Variants in PCDH15 observed in about 807,000 individuals in gnomAD.
PCDH15 encodes the protein protocadherin-15.
In PCDH15, 129 loss-of-function variants were observed where a neutral mutation model predicts 178.5. That is an observed-to-expected ratio of 0.72 (90% CI 0.63 to 0.84). PCDH15 has a LOEUF of 0.84. Ranked by LOEUF, PCDH15 falls within the 40% of genes least tolerant of loss-of-function variation. PCDH15 has a pLI of 0.00. For synonymous variants in PCDH15, 800 were observed against 732.0 expected, an observed-to-expected ratio of 1.09 and a Z score of -1.50; for missense variants, 2,230 against 2,099.9, an observed-to-expected ratio of 1.06 and a Z score of -1.21.
At chr10:54,249,195 T>C (rs188058838) in intron 8 of PCDH15, among the ~76,000 whole-genome samples, 87 of 152,266 alleles carry the variant, frequency 5.7e-4, no homozygotes, top group African/African-American at 1.9e-3. Flanking sequence ...TATTTTACCA[T>C]GTTCCATATT....
intron 21 of PCDH15, among the ~76,000 whole-genome samples, chr10:53,978,664 T>C (rs1331183239): frequency 6.6e-6 from 1 of 151,978 alleles, no homozygotes; most frequent in Non-Finnish European, 1.5e-5. Context: ...AATGTTTTTT[T>C]TTTTTTTTTT....
chr10:53,915,907 G>A (rs1448021860), intron 25 of PCDH15, among the ~76,000 whole-genome samples: 1 of 152,078 alleles, frequency 6.6e-6, no homozygotes, highest in Non-Finnish European at 1.5e-5. Context: ...TTTTCATGAA[G>A]AAAATGACAA....
chr10:54,644,221 T>C (rs946024239), intron 2 of PCDH15, among the ~76,000 whole-genome samples: 4 of 151,072 alleles, frequency 2.6e-5, no homozygotes, highest in Non-Finnish European at 5.9e-5. Flanking sequence ...AACATACTTT[T>C]ATATAGTCAA....
At chr10:55,537,964 C>T (rs1034273422) in intron 2 of PCDH15, among the ~76,000 whole-genome samples, 4 of 152,120 alleles carry the variant, frequency 2.6e-5, no homozygotes, top group African/African-American at 9.7e-5. Flanking sequence ...AAATCTGAGG[C>T]CTCAAGCCTT....
rs774773209 is a variant in PCDH15, at chr10:53,823,147, G to A, written c.4368-2917C>T. On this transcript the variant is annotated intron_variant, in intron 32 of 37. Coordinates refer to ENST00000644397, the MANE Select transcript of PCDH15 (RefSeq NM_001384140.1). ...TGACTTATGTTTTCCTTATAAAGGG[G>A]ATTATGGGCACTTAAGTCATCCTCA... The A allele has an allele frequency of 3.7e-6, 6 of 1,613,884 alleles. No individual in the cohort carries two copies. In the South Asian group the frequency reaches 6.6e-5, roughly 18 times the overall value.
At chr10:54,450,972 T>C (rs1340734104) in intron 3 of PCDH15, among the ~76,000 whole-genome samples, 3 of 151,988 alleles carry the variant, frequency 2.0e-5, no homozygotes, top group African/African-American at 7.2e-5. Context: ...CAGAATTCTC[T>C]CAAAGTTAAA....
At chr10:55,589,564 T>A (rs1842796413) in intron 2 of PCDH15, among the ~76,000 whole-genome samples, 1 of 151,918 alleles carries the variant, frequency 6.6e-6, no homozygotes, top group African/African-American at 2.4e-5. Flanking sequence ...AACCTACTCA[T>A]CTGACAAAGG....
chr10:55,170,337 A>T (rs927515390), intron 1 of PCDH15, among the ~76,000 whole-genome samples: 1 of 151,760 alleles, frequency 6.6e-6, no homozygotes, highest in Non-Finnish European at 1.5e-5. Flanking sequence ...AATTGCAGAG[A>T]CAAGTCTTGA....
rs553634921 is a variant in PCDH15 at position 54,817,471 on chromosome 10, C to T, written c.-29+79979G>A. Among the ~76,000 whole-genome samples, 252 of 151,992 alleles carry T rather than the reference C, an allele frequency of 1.7e-3. 4 individuals carry two copies. Among genetic ancestry groups the T allele is most frequent in the African/African-American group, 5.7e-3 (236 of 41,514 alleles). On this transcript the variant is annotated intron_variant, in intron 3 of 5. Coordinates refer to the PCDH15 transcript ENST00000458638. ...TCATCTCTATCAATTGTTTCAATGC[C>T]GTAGAAGCTGAAATGAATTCTTGTT...
intron 8 of PCDH15, among the ~76,000 whole-genome samples, chr10:54,294,278 C>T (rs2059605611): frequency 6.6e-6 from 1 of 150,642 alleles, no homozygotes; most frequent in African/African-American, 2.5e-5. Context: ...AACACTTGGA[C>T]ACATGGCAGG....
intron 3 of PCDH15, among the ~76,000 whole-genome samples, chr10:54,867,704 C>G (rs575399622): frequency 6.6e-6 from 1 of 152,204 alleles, no homozygotes; most frequent in Admixed American, 6.6e-5. Context: ...TTAATTCACT[C>G]TTTCTACTCC....
At chr10:54,177,550 T>C (rs563586999) in intron 13 of PCDH15, among the ~76,000 whole-genome samples, 1 of 151,844 alleles carries the variant, frequency 6.6e-6, no homozygotes, top group South Asian at 2.1e-4. Context: ...AATCACTGTA[T>C]CTTCCTCTCA....
intron 2 of PCDH15, among the ~76,000 whole-genome samples, chr10:55,621,489 GA>G (rs1442319343): frequency 6.6e-6 from 1 of 152,182 alleles, no homozygotes; most frequent in African/African-American, 2.4e-5. Flanking sequence ...TGACCTGCGG[GA>G]AAGGTAATGG....
At chr10:55,540,010 T>A (rs1041329554) in intron 2 of PCDH15, among the ~76,000 whole-genome samples, 1 of 152,172 alleles carries the variant, frequency 6.6e-6, no homozygotes, top group South Asian at 2.1e-4. Context: ...CCTATGTAAT[T>A]GTGGATCAAT....
intron 9 of PCDH15, among the ~76,000 whole-genome samples, chr10:54,227,190 A>C (rs2053549958): frequency 6.6e-6 from 1 of 152,188 alleles, no homozygotes; most frequent in African/African-American, 2.4e-5. Flanking sequence ...GCACTGCACT[A>C]GTGGAGGTTC....
intron 2 of PCDH15, among the ~76,000 whole-genome samples, chr10:54,605,375 A>C (rs2134151336): frequency 6.6e-6 from 1 of 151,970 alleles, no homozygotes; most frequent in African/African-American, 2.4e-5. Flanking sequence ...TTTTGTCTTA[A>C]GTTTTAAAGG....
At chr10:53,862,289 G>A (rs1290106421) in intron 27 of PCDH15, among the ~76,000 whole-genome samples, 1 of 152,060 alleles carries the variant, frequency 6.6e-6, no homozygotes, top group Non-Finnish European at 1.5e-5. Flanking sequence ...GACTTCAGGT[G>A]ATTTGCCTGC....
intron 2 of PCDH15, among the ~76,000 whole-genome samples, chr10:55,342,974 A>T (rs936647430): frequency 6.6e-6 from 1 of 152,108 alleles, no homozygotes; most frequent in Non-Finnish European, 1.5e-5. Flanking sequence ...CTATACTCCA[A>T]ATTTGGAATG....
chr10:55,186,274 T>C (rs956840285), intron 1 of PCDH15, among the ~76,000 whole-genome samples: 2 of 151,630 alleles, frequency 1.3e-5, no homozygotes, highest in Non-Finnish European at 3.0e-5. Flanking sequence ...TCTATGTTTT[T>C]TATTTTTAGA....
Sources: allele counts gnomAD v4.1 joint callset (sites outside exome capture counted in the v4.1 genomes callset), GRCh38; gene constraint gnomAD v4.1.1; transcripts MANE v1.5; gene names NCBI Gene and HGNC (gene_info 2026-07-23, HGNC 2026-07-21).